Variants in EPB41L2 observed in about 807,000 individuals in gnomAD.
EPB41L2 encodes band 4.1-like protein 2.
EPB41L2 carries 43 observed loss-of-function variants against 113.0 expected under a neutral mutation model. The observed-to-expected ratio is 0.38, with a 90% CI of 0.30 to 0.49. EPB41L2 has a LOEUF of 0.49. Among genes scored for constraint, EPB41L2 ranks in the 20% least tolerant of loss-of-function variants. EPB41L2 has a pLI of 0.95. For missense variants in EPB41L2, 1,147 were observed against 1,223.4 expected (o/e 0.94, Z 0.93); for synonymous variants, 442 against 436.7 (o/e 1.01, Z -0.15).
rs180788484 is a variant in EPB41L2, at chr6:131,014,953, G to A, written c.-15+48202C>T. Among the ~76,000 whole-genome samples, 318 of 152,288 alleles carry A rather than the reference G, an allele frequency of 2.1e-3. 1 individual carries two copies. The highest frequency in any genetic ancestry group is 3.5e-3 in the Non-Finnish European group (240 of 68,002). ...AATAGAAATTCAAAGGAAAATGTTT[G>A]GGTGTCTGGTAGGTAAAGAGACCTG... On this transcript the variant is annotated intron_variant, in intron 1 of 19. Coordinates refer to ENST00000337057, the MANE Select transcript of EPB41L2 (RefSeq NM_001431.4).
At chr6:131,031,714 T>C (rs559899850) in intron 1 of EPB41L2, among the ~76,000 whole-genome samples, 14 of 152,334 alleles carry the variant, frequency 9.2e-5, no homozygotes, top group Non-Finnish European at 1.8e-4. Context: ...TAATTGTCAC[T>C]ATAAAATGAA....
intron 1 of EPB41L2, among the ~76,000 whole-genome samples, chr6:131,010,311 G>GTGC (rs1250905165): frequency 8.5e-5 from 13 of 152,150 alleles, no homozygotes; most frequent in Non-Finnish European, 1.5e-5. Context: ...AGAATTCCAG[G>GTGC]TGCTACAAGA....
chr6:130,903,419 C>T (rs559669376), intron 6 of EPB41L2, among the ~76,000 whole-genome samples: 1 of 151,270 alleles, frequency 6.6e-6, no homozygotes, highest in Non-Finnish European at 1.5e-5. Context: ...AAAAGGCCGG[C>T]CTGCTATGTA....
At position 130,869,611 on chromosome 6, in the gene EPB41L2, C is replaced by T. The variant is rs1306489984; in HGVS notation, c.2559G>A (p.Val853=). ...EEEPQKVNGE[V]SHVDIDVLPQ... ...GCAAAACATCAATGTCAACATGGGA[C>T]ACCTCTCCGTTAACTTTCTGTGGCT... The change falls in exon 15 of 20, where the codon GTG becomes GTA. Residue 853 remains valine, a synonymous_variant. Transcript: ENST00000337057. 5 of 1,614,178 alleles carry T rather than the reference C, an allele frequency of 3.1e-6. No individual in the cohort carries two copies. The highest frequency in any genetic ancestry group is 4.2e-6 in the Non-Finnish European group (5 of 1,180,040).
intron 1 of EPB41L2, among the ~76,000 whole-genome samples, chr6:131,036,346 C>G (rs181095824): frequency 6.6e-6 from 1 of 152,164 alleles, no homozygotes; most frequent in Admixed American, 6.5e-5. Context: ...TCATTTTTAC[C>G]TCCACCATAG....
chr6:130,942,268 G>C (rs1016027959), intron 3 of EPB41L2, among the ~76,000 whole-genome samples: 2 of 152,184 alleles, frequency 1.3e-5, no homozygotes, highest in Non-Finnish European at 2.9e-5. Context: ...CACAGGTGGA[G>C]ACAAGATTCT....
chr6:130,956,731 T>C (rs1183466305), intron 1 of EPB41L2, among the ~76,000 whole-genome samples: 2 of 152,220 alleles, frequency 1.3e-5, no homozygotes, highest in Non-Finnish European at 2.9e-5. Context: ...TAGAACTCTG[T>C]GTGTTCTGAG....
chr6:130,971,785 C>T (rs1041432123), intron 1 of EPB41L2, among the ~76,000 whole-genome samples: 4 of 152,148 alleles, frequency 2.6e-5, no homozygotes, highest in Non-Finnish European at 5.9e-5. Flanking sequence ...TACTGTACAG[C>T]CTACTCATTT....
intron 3 of EPB41L2, among the ~76,000 whole-genome samples, chr6:130,954,036 C>CTTTTTTTTTTTTTTTT (rs1816328530): frequency 2.2e-4 from 10 of 45,512 alleles, no homozygotes; most frequent in African/African-American, 5.8e-4. Flanking sequence ...TAGTCCTTTT[C>CTTTTTTTTTTTTTTTT]TTTCTTTTTT....
chr6:130,858,130 CCTTA>C lies in EPB41L2; in HGVS notation c.*2_*5del, dbSNP rs1350062619. 2 of 1,611,270 alleles carry C rather than the reference CCTTA, an allele frequency of 1.2e-6. No homozygotes were observed. Among genetic ancestry groups the C allele is most frequent in the African/African-American group, 1.3e-5 (1 of 74,992 alleles). On this transcript the variant is annotated splice_region_variant and 3_prime_UTR_variant, in exon 19 of 20. Coordinates refer to ENST00000337057, the MANE Select transcript of EPB41L2 (RefSeq NM_001431.4). ...GCCACAGACAATGAGGGCTCTCTTA[CCTTA>C]CTTAATCTTCCCCTTCCTCAGCCAA...
chr6:130,864,792 ATTG>A (rs1394152282), intron 17 of EPB41L2, among the ~76,000 whole-genome samples: 1 of 152,238 alleles, frequency 6.6e-6, no homozygotes, highest in Non-Finnish European at 1.5e-5. Flanking sequence ...TGTTTTTTAA[ATTG>A]TTGTTGAAAC....
intron 1 of EPB41L2, among the ~76,000 whole-genome samples, chr6:130,961,707 G>A (rs1292361776): frequency 6.6e-6 from 1 of 152,174 alleles, no homozygotes; most frequent in East Asian, 1.9e-4. Flanking sequence ...CCTGAGCAGG[G>A]AACAGGGTAG....
chr6:130,930,396 A>C (rs1806420208), intron 3 of EPB41L2, among the ~76,000 whole-genome samples: 1 of 152,336 alleles, frequency 6.6e-6, no homozygotes, highest in Non-Finnish European at 1.5e-5. Context: ...TTTAACGCCA[A>C]CATTATGCTC....
intron 4 of EPB41L2, among the ~76,000 whole-genome samples, chr6:130,914,535 C>T (rs373036818): frequency 2.6e-5 from 4 of 151,372 alleles, no homozygotes; most frequent in Admixed American, 1.3e-4. Flanking sequence ...AAAATCCACC[C>T]GGCAAATTTT....
chr6:130,865,873 A>G (rs1331725416), intron 16 of EPB41L2: 1 of 456,022 alleles, frequency 2.2e-6, no homozygotes, highest in Non-Finnish European at 3.9e-6. Context: ...GAATGGACAT[A>G]GTAGGTGGGA....
chr6:130,979,936 A>G (rs535653860), intron 1 of EPB41L2, among the ~76,000 whole-genome samples: 3 of 152,338 alleles, frequency 2.0e-5, no homozygotes, highest in South Asian at 4.1e-4. Flanking sequence ...AACAAGCAGT[A>G]GGATAAATGC....
chr6:131,027,488 C>T (rs1791146768), intron 1 of EPB41L2, among the ~76,000 whole-genome samples: 1 of 152,228 alleles, frequency 6.6e-6, no homozygotes, highest in Admixed American at 6.5e-5. Flanking sequence ...TCTCAGCGGG[C>T]TGTTGCCTAG....
At chr6:131,045,765 C>A (rs1795324061) in intron 1 of EPB41L2, among the ~76,000 whole-genome samples, 1 of 152,100 alleles carries the variant, frequency 6.6e-6, no homozygotes, top group African/African-American at 2.4e-5. Flanking sequence ...GATAAGCAAT[C>A]CTTGTTTGTT....
intron 4 of EPB41L2, among the ~76,000 whole-genome samples, chr6:130,925,342 C>T (rs371059935): frequency 7.2e-5 from 11 of 151,912 alleles, no homozygotes; most frequent in Non-Finnish European, 1.5e-4. Flanking sequence ...GTGCCCACCA[C>T]CATGCCCGGC....
Sources: allele counts gnomAD v4.1 joint callset (sites outside exome capture counted in the v4.1 genomes callset), GRCh38; gene constraint gnomAD v4.1.1; transcripts MANE v1.5; gene names NCBI Gene and HGNC (gene_info 2026-07-23, HGNC 2026-07-21).